Variants in MAP3K5 observed in about 807,000 individuals in gnomAD.
The protein encoded by MAP3K5 is mitogen-activated protein kinase kinase kinase 5.
MAP3K5 carries 56 observed loss-of-function variants against 158.7 expected under a neutral mutation model. That is an observed-to-expected ratio of 0.35 (90% CI 0.28 to 0.44). MAP3K5 has a LOEUF of 0.44. Among genes scored for constraint, MAP3K5 ranks in the 20% least tolerant of loss-of-function variants. MAP3K5 has a pLI of 1.00. For synonymous variants in MAP3K5, 579 were observed against 601.7 expected (o/e 0.96, Z 0.55); for missense variants, 1,294 against 1,674.8 (o/e 0.77, Z 3.97).
At position 136,613,532 on chromosome 6, in the gene MAP3K5, T is replaced by C. The variant is rs1416996223; in HGVS notation, c.2279-276A>G. Among the ~76,000 whole-genome samples the C allele has an allele frequency of 3.9e-5, 6 of 152,234 alleles. No individual in the cohort carries two copies. The highest frequency in any genetic ancestry group is 1.4e-4 in the African/African-American group (6 of 41,462). The stretch of plus-strand genomic sequence containing the variant: ...AAATGGTTCCCATATTTATGTATTG[T>C]CTCTGTGAAATTACATAATTCACAT... On this transcript the variant is annotated intron_variant, in intron 16 of 29. Coordinates refer to ENST00000359015, the MANE Select transcript of MAP3K5 (RefSeq NM_005923.4). The surrounding 1 kb of genome is among the most constrained non-coding windows in gnomAD (Gnocchi z 4.0).
At chr6:136,691,878 C>T (rs138461223) in intron 7 of MAP3K5, among the ~76,000 whole-genome samples, 131 of 152,196 alleles carry the variant, frequency 8.6e-4, no homozygotes, top group African/African-American at 3.1e-3. Flanking sequence ...CATATTTTCA[C>T]CCATTATGTT....
At chr6:136,702,497 C>T (rs1024090971) in intron 3 of MAP3K5, among the ~76,000 whole-genome samples, 8 of 152,140 alleles carry the variant, frequency 5.3e-5, no homozygotes, top group Non-Finnish European at 1.5e-5. Flanking sequence ...AAAATAAAAA[C>T]AACCCCTATG....
chr6:136,768,018 A>G (rs1315401706), intron 1 of MAP3K5, among the ~76,000 whole-genome samples: 1 of 152,224 alleles, frequency 6.6e-6, no homozygotes, highest in East Asian at 1.9e-4. Flanking sequence ...AAAAGAATGA[A>G]GCTGGCCCCC....
chr6:136,589,438 T>G (rs1166651588), intron 23 of MAP3K5, among the ~76,000 whole-genome samples: 1 of 152,134 alleles, frequency 6.6e-6, no homozygotes, highest in African/African-American at 2.4e-5. Context: ...CACAAGAAGC[T>G]TGGGGCTGAG....
intron 7 of MAP3K5, among the ~76,000 whole-genome samples, chr6:136,679,944 T>TACATACAAC (rs1779860113): frequency 6.6e-6 from 1 of 152,144 alleles, no homozygotes; most frequent in South Asian, 2.1e-4. Flanking sequence ...ATGTGGTATA[T>TACATACAAC]ACATACAACA....
intron 6 of MAP3K5, 107 bp downstream of exon 6, chr6:136,695,844 T>TAGCATATG: frequency 1.7e-6 from 1 of 584,698 alleles, no homozygotes; most frequent in East Asian, 2.9e-5. Context: ...ATATTACATT[T>TAGCATATG]TAATAGGGAC....
intron 1 of MAP3K5, among the ~76,000 whole-genome samples, chr6:136,784,569 T>C (rs1259182250): frequency 1.3e-5 from 2 of 152,068 alleles, no homozygotes; most frequent in African/African-American, 4.8e-5. Flanking sequence ...CCCTTATGAG[T>C]TTATCTACGT....
intron 28 of MAP3K5, among the ~76,000 whole-genome samples, chr6:136,559,923 G>T (rs1323152383): frequency 6.6e-6 from 1 of 152,088 alleles, no homozygotes; most frequent in African/African-American, 2.4e-5. Context: ...TAAGTTAGAG[G>T]AATGTATATT....
chr6:136,687,926 C>A (rs1047377788), intron 7 of MAP3K5, among the ~76,000 whole-genome samples: 1 of 152,162 alleles, frequency 6.6e-6, no homozygotes, highest in African/African-American at 2.4e-5. Context: ...TTGGTATATA[C>A]CCAAAGGATT....
rs201841196 is a variant in MAP3K5 at position 136,645,515 on chromosome 6, A to AG, written c.1789-2947dup. 7.2e-5 allele frequency among the ~76,000 whole-genome samples: 11 copies of AG among 152,204 alleles called. No individual in the cohort carries two copies. In the East Asian group the frequency reaches 1.9e-3, roughly 27 times the overall value. On this transcript the variant is annotated intron_variant, in intron 11 of 29. Coordinates refer to ENST00000359015, the MANE Select transcript of MAP3K5 (RefSeq NM_005923.4). ...GGGTGCCCAAACTTCAACCCCCAAA[A>AG]GGGGGGGAAATTCTAAATAACCATT...
intron 7 of MAP3K5, among the ~76,000 whole-genome samples, chr6:136,678,359 T>C (rs112406215): frequency 2.9e-3 from 440 of 152,282 alleles, no homozygotes; most frequent in Non-Finnish European, 5.4e-3. Flanking sequence ...AAAAGACTAA[T>C]ATTTCAAAAA....
intron 1 of MAP3K5, among the ~76,000 whole-genome samples, chr6:136,731,849 T>C (rs1225187859): frequency 2.0e-5 from 3 of 152,210 alleles, no homozygotes; most frequent in African/African-American, 4.8e-5. Context: ...GGTAGGCACC[T>C]TTACAATCAG....
intron 1 of MAP3K5, among the ~76,000 whole-genome samples, chr6:136,770,651 G>C (rs1437497139): frequency 6.6e-6 from 1 of 152,180 alleles, no homozygotes; most frequent in East Asian, 1.9e-4. Context: ...CAGTACTTTG[G>C]AAGGTTGAGG....
intron 7 of MAP3K5, among the ~76,000 whole-genome samples, chr6:136,677,545 G>A (rs754266550): frequency 4.6e-5 from 7 of 152,174 alleles, no homozygotes; most frequent in Non-Finnish European, 8.8e-5. Flanking sequence ...CATGCCACAT[G>A]TCTGTGTCAT....
chr6:136,730,463 T>C lies in MAP3K5; in HGVS notation c.449-9874A>G, dbSNP rs370945977. The stretch of plus-strand genomic sequence containing the variant: ...CAGGCTGGGCACGGTGACTCACGCC[T>C]GTAATCCCAGCACTCTGGCAGGCAG... On this transcript the variant is annotated intron_variant, in intron 1 of 29. Coordinates refer to ENST00000359015, the MANE Select transcript of MAP3K5 (RefSeq NM_005923.4). 7.2e-4 allele frequency among the ~76,000 whole-genome samples: 109 copies of C among 152,160 alleles called. No homozygotes were observed. In the Middle Eastern group the frequency reaches 0.01, roughly 14 times the overall value.
At chr6:136,692,867 G>T (rs1780446157) in intron 7 of MAP3K5, among the ~76,000 whole-genome samples, 1 of 152,066 alleles carries the variant, frequency 6.6e-6, no homozygotes, top group Non-Finnish European at 1.5e-5. Context: ...GAGGTGGGAA[G>T]ATCACTTGAG....
intron 1 of MAP3K5, among the ~76,000 whole-genome samples, chr6:136,778,289 T>C (rs563377929): frequency 1.7e-4 from 26 of 152,172 alleles, no homozygotes; most frequent in African/African-American, 5.3e-4. Context: ...CATATTATAC[T>C]ATTGTGAAAG....
At chr6:136,631,974 T>C (rs1777379813) in intron 14 of MAP3K5, among the ~76,000 whole-genome samples, 1 of 149,996 alleles carries the variant, frequency 6.7e-6, no homozygotes, top group Admixed American at 6.6e-5. Flanking sequence ...AGAAGGGGAG[T>C]TGAGAAATGA....
chr6:136,601,111 C>A, intron 20 of MAP3K5, 69 bp from the exon 21 acceptor site: 1 of 1,498,080 alleles, frequency 6.7e-7, no homozygotes, highest in Non-Finnish European at 9.3e-7. Flanking sequence ...GAGAAATCAA[C>A]AAAAAATGAA....
Sources: allele counts gnomAD v4.1 joint callset (sites outside exome capture counted in the v4.1 genomes callset), GRCh38; gene constraint gnomAD v4.1.1; non-coding constraint Gnocchi (gnomAD v3.1); transcripts MANE v1.5; gene names NCBI Gene and HGNC (gene_info 2026-07-23, HGNC 2026-07-21).